Variants in HDAC9 observed in about 807,000 individuals in gnomAD.
HDAC9 encodes the protein MEF-2 interacting transcription repressor (MITR) protein.
Under a neutral mutation model 139.4 loss-of-function variants are expected in HDAC9, and 41 were observed. The observed-to-expected ratio is 0.29, with a 90% CI of 0.23 to 0.38. The LOEUF is 0.38. Among genes scored for constraint, HDAC9 ranks in the 10% least tolerant of loss-of-function variants. HDAC9 has a pLI of 1.00. For synonymous variants in HDAC9, 517 were observed against 476.2 expected, an observed-to-expected ratio of 1.09 and a Z score of -1.12; for missense variants, 1,147 against 1,297.0, an observed-to-expected ratio of 0.88 and a Z score of 1.78.
At chr7:18,279,235 TG>T (rs1373317076) in intron 2 of HDAC9, among the ~76,000 whole-genome samples, 1 of 152,180 alleles carries the variant, frequency 6.6e-6, no homozygotes, top group Non-Finnish European at 1.5e-5. Context: ...TTCAGATTTT[TG>T]TTGTCCCAAT....
In HDAC9 at chr7:18,997,201, C is replaced by T. The variant is rs575248276; in HGVS notation, c.*1139C>T. On this transcript the variant is annotated 3_prime_UTR_variant, in exon 26 of 26. Coordinates refer to ENST00000686413, the MANE Select transcript of HDAC9 (RefSeq NM_178425.4). ...GTTGAAATGAATATCACTTAAGCAA[C>T]GTTGCTAAATTTCTATGTGTTTGAA... 6.6e-6 allele frequency: 1 copy of T among 151,578 alleles called. No homozygotes were observed. The highest frequency in any genetic ancestry group is 2.4e-5 in the African/African-American group (1 of 41,324). 9.4% of individuals were successfully genotyped at this position (151,578 alleles called of 1,614,324 possible).
At chr7:18,859,962 T>C (rs891395855) in intron 21 of HDAC9, among the ~76,000 whole-genome samples, 2 of 150,672 alleles carry the variant, frequency 1.3e-5, no homozygotes, top group African/African-American at 4.9e-5. Flanking sequence ...TTTTATGGAA[T>C]GCAATCACTT....
chr7:18,165,990 C>G (rs1335450171), intron 2 of HDAC9, among the ~76,000 whole-genome samples: 1 of 152,010 alleles, frequency 6.6e-6, no homozygotes, highest in Non-Finnish European at 1.5e-5. Flanking sequence ...TATTTTAACC[C>G]AGGGCAGCTT....
chr7:18,300,191 ATTT>A (rs200511894), intron 1 of HDAC9, among the ~76,000 whole-genome samples: 5 of 142,790 alleles, frequency 3.5e-5, no homozygotes, highest in Admixed American at 1.4e-4. Context: ...TTTTTTGCAA[ATTT>A]TTTTTTTTTT....
At chr7:18,952,738 C>G (rs1782885658) in intron 23 of HDAC9, among the ~76,000 whole-genome samples, 1 of 151,422 alleles carries the variant, frequency 6.6e-6, no homozygotes, top group Non-Finnish European at 1.5e-5. Context: ...TTTGAAATAC[C>G]ACATTTTAAA....
chr7:18,753,203 A>G (rs558195501), intron 14 of HDAC9, among the ~76,000 whole-genome samples: 14 of 152,240 alleles, frequency 9.2e-5, no homozygotes, highest in Non-Finnish European at 1.9e-4. Context: ...ATACACAATT[A>G]CAAATTTCAA....
intron 21 of HDAC9, among the ~76,000 whole-genome samples, chr7:18,858,375 A>C (rs1374769320): frequency 6.6e-6 from 1 of 152,168 alleles, no homozygotes; most frequent in Non-Finnish European, 1.5e-5. Context: ...CCTCTTCACG[A>C]GGCAGCAGGA....
chr7:18,248,892 TAA>T (rs1732156089), intron 2 of HDAC9, among the ~76,000 whole-genome samples: 1 of 152,230 alleles, frequency 6.6e-6, no homozygotes. Flanking sequence ...AAAAAATATA[TAA>T]AGACAGTCAT....
At chr7:18,409,853 T>A (rs1387952716) in intron 1 of HDAC9, among the ~76,000 whole-genome samples, 1 of 152,216 alleles carries the variant, frequency 6.6e-6, no homozygotes, top group Non-Finnish European at 1.5e-5. Context: ...AATTAAACAT[T>A]TGCCCGAAAA....
At chr7:18,690,800 G>A (rs1263823008) in intron 12 of HDAC9, among the ~76,000 whole-genome samples, 1 of 151,824 alleles carries the variant, frequency 6.6e-6, no homozygotes, top group Non-Finnish European at 1.5e-5. Flanking sequence ...GCACATTTTG[G>A]CATTATGCCT....
At chr7:18,658,944 C>G (rs1223734021) in intron 11 of HDAC9, among the ~76,000 whole-genome samples, 2 of 150,394 alleles carry the variant, frequency 1.3e-5, no homozygotes, top group African/African-American at 4.9e-5. Flanking sequence ...CTGCTATTGC[C>G]ATTCCCCAAG....
chr7:18,252,664 G>C (rs1311499006), intron 2 of HDAC9, among the ~76,000 whole-genome samples: 1 of 151,718 alleles, frequency 6.6e-6, no homozygotes, highest in Non-Finnish European at 1.5e-5. Flanking sequence ...AAAGCACTTA[G>C]CTAATTGTGA....
chr7:18,303,912 A>C (rs920804276), intron 1 of HDAC9, among the ~76,000 whole-genome samples: 2 of 152,232 alleles, frequency 1.3e-5, no homozygotes, highest in East Asian at 1.9e-4. Context: ...CAAGGTGGAA[A>C]GAACCTTGGT....
At chr7:18,551,914 T>A (rs1328757007) in intron 2 of HDAC9, among the ~76,000 whole-genome samples, 3 of 152,244 alleles carry the variant, frequency 2.0e-5, no homozygotes, top group Non-Finnish European at 4.4e-5. Flanking sequence ...ATTTTATGTA[T>A]TATTATCTTA....
At chr7:18,295,175 C>T (rs1213284973) in intron 1 of HDAC9, among the ~76,000 whole-genome samples, 1 of 152,006 alleles carries the variant, frequency 6.6e-6, no homozygotes, top group Admixed American at 6.6e-5. Context: ...AGTACTTAAC[C>T]ACTGGAAATT....
In HDAC9 at chr7:18,918,796, T is replaced by A. The variant is rs909617661; in HGVS notation, c.2804-17013T>A. On this transcript the variant is annotated intron_variant, in intron 22 of 25. Transcript: ENST00000686413. ...TATCCAAAGAACCTGCTTTTCCTTGTAGTTAAATGATTACGGTGGAATTAA... is the reference window on the plus strand; with the variant it reads ...TATCCAAAGAACCTGCTTTTCCTTGAAGTTAAATGATTACGGTGGAATTAA... 2.6e-5 allele frequency among the ~76,000 whole-genome samples: 4 copies of A among 152,198 alleles called. No homozygotes were observed. In the East Asian group the frequency reaches 7.8e-4, roughly 30 times the overall value.
At chr7:18,967,338 C>T (rs4721732) in intron 24 of HDAC9, among the ~76,000 whole-genome samples, 2 of 152,022 alleles carry the variant, frequency 1.3e-5, no homozygotes, top group Non-Finnish European at 2.9e-5. Context: ...TCAGGAGTGA[C>T]GTAATAATTC....
intron 17 of HDAC9, among the ~76,000 whole-genome samples, chr7:18,800,197 A>G (rs77392482): frequency 0.024 from 3,617 of 152,280 alleles, 154 homozygotes; most frequent in African/African-American, 0.081. Flanking sequence ...AATTTAATAC[A>G]TGCTCTGTTT....
At chr7:18,409,040 T>C (rs1302305647) in intron 1 of HDAC9, among the ~76,000 whole-genome samples, 6 of 152,222 alleles carry the variant, frequency 3.9e-5, no homozygotes, top group Admixed American at 2.6e-4. Context: ...TGATATGCGT[T>C]TGTGTGCTTT....
Sources: allele counts gnomAD v4.1 joint callset (sites outside exome capture counted in the v4.1 genomes callset), GRCh38; gene constraint gnomAD v4.1.1; transcripts MANE v1.5; gene names NCBI Gene and HGNC (gene_info 2026-07-23, HGNC 2026-07-21).